BFSP1: variants seen among roughly 807,000 people sequenced by gnomAD.
BFSP1 encodes filensin.
Under a neutral mutation model 43.9 loss-of-function variants are expected in BFSP1, and 38 were observed. The observed-to-expected ratio is 0.87, with a 90% CI of 0.67 to 1.14. The LOEUF (loss-of-function observed/expected upper bound fraction) is 1.14, where lower values mean the gene tolerates loss of function less well. Ranked by LOEUF, BFSP1 falls within the 50% of genes most tolerant of loss-of-function variation. The pLI is 0.00. For missense variants in BFSP1, 850 were observed against 875.1 expected, an observed-to-expected ratio of 0.97 and a Z score of 0.36; for synonymous variants, 352 against 354.8, an observed-to-expected ratio of 0.99 and a Z score of 0.09.
chr20:17,505,826 T>C (rs1404652913), intron 5 of BFSP1, among the ~76,000 whole-genome samples: 1 of 152,108 alleles, frequency 6.6e-6, no homozygotes. Flanking sequence ...CCAGACCCAC[T>C]GAGTCAGGAG....
intron 1 of BFSP1, among the ~76,000 whole-genome samples, chr20:17,537,587 A>C (rs974695666): frequency 6.6e-6 from 1 of 151,842 alleles, no homozygotes; most frequent in Non-Finnish European, 1.5e-5. Flanking sequence ...AAAAAAAAAA[A>C]AACAAATTTG....
At position 17,553,814 on chromosome 20, in the gene BFSP1, C is replaced by CATATATAT. The variant is rs1356594180; in HGVS notation, c.2+4873_2+4874insATATATAT. On this transcript the variant is annotated intron_variant, in intron 1 of 7. Coordinates refer to the BFSP1 transcript ENST00000377868. ...ATATATACACACACACACACACACA[C>CATATATAT]ACACACACACATATATATATATACA... 1.1e-3 allele frequency among the ~76,000 whole-genome samples: 107 copies of CATATATAT among 100,052 alleles called. 2 individuals are homozygous for CATATATAT. Among genetic ancestry groups the CATATATAT allele is most frequent in the Non-Finnish European group, 1.3e-3 (71 of 55,028 alleles). The allele number at this position is 100,052 out of a possible 152,430, so 65.6% of individuals were successfully genotyped here. A position where few individuals can be genotyped will look rare whatever the true frequency, so the allele number is the denominator to read the frequency against.
rs2034404216 is a variant in BFSP1, at chr20:17,525,648, TG to T, written c.378-741del. Among the ~76,000 whole-genome samples, 1 of 152,188 alleles carries T rather than the reference TG, an allele frequency of 6.6e-6. No homozygotes were observed. The highest frequency in any genetic ancestry group is 6.5e-5 in the Admixed American group (1 of 15,288). On this transcript the variant is annotated intron_variant, in intron 1 of 7. Coordinates refer to ENST00000377873, the MANE Select transcript of BFSP1 (RefSeq NM_001195.5). The surrounding 1 kb of genome is among the most constrained non-coding windows in gnomAD (Gnocchi z 4.2). ...CTGGGACAACTGAGGCACGTCCCTC[TG>T]GGGGAATTTTAACCCTAAAGAGAGA...
At chr20:17,556,223 C>T (rs2034987749) in intron 1 of BFSP1, among the ~76,000 whole-genome samples, 1 of 152,104 alleles carries the variant, frequency 6.6e-6, no homozygotes, top group Non-Finnish European at 1.5e-5. Flanking sequence ...CAATCATCAG[C>T]CGGGTGCAGT....
chr20:17,524,062 A>C (rs920233067), intron 2 of BFSP1, among the ~76,000 whole-genome samples: 10 of 152,134 alleles, frequency 6.6e-5, no homozygotes, highest in Admixed American at 2.6e-4. Context: ...ATGTGCCCTA[A>C]TCAAGCAGCC....
intron 2 of BFSP1, among the ~76,000 whole-genome samples, chr20:17,521,721 T>A (rs2034322715): frequency 6.6e-6 from 1 of 152,204 alleles, no homozygotes; most frequent in Admixed American, 6.5e-5. Flanking sequence ...AAAGACTGGG[T>A]ACCTGTGGCT....
intron 1 of BFSP1, among the ~76,000 whole-genome samples, chr20:17,568,814 TACTG>T (rs1348859622): frequency 6.7e-6 from 1 of 150,060 alleles, no homozygotes; most frequent in Non-Finnish European, 1.5e-5. Context: ...GAAAAAAAAA[TACTG>T]ACCATCTTGT....
intron 3 of BFSP1, among the ~76,000 whole-genome samples, chr20:17,513,483 C>T (rs2034134163): frequency 6.6e-6 from 1 of 152,150 alleles, no homozygotes; most frequent in South Asian, 2.1e-4. Flanking sequence ...TCCCAGGATT[C>T]CATCAAGTAG....
At chr20:17,520,087 C>T (rs1470744306) in intron 2 of BFSP1, among the ~76,000 whole-genome samples, 1 of 152,184 alleles carries the variant, frequency 6.6e-6, no homozygotes, top group Non-Finnish European at 1.5e-5. Flanking sequence ...CAGTGGTCCT[C>T]AAAGTGTGGT....
At chr20:17,497,441 C>T (rs1346410751) in intron 6 of BFSP1, among the ~76,000 whole-genome samples, 2 of 70,218 alleles carry the variant, frequency 2.8e-5, no homozygotes, top group Non-Finnish European at 5.2e-5. Flanking sequence ...TGTATATATA[C>T]GTGTATGTAT....
rs191185926 is a variant in BFSP1, at chr20:17,552,749, T to C, written c.2+5939A>G. On this transcript the variant is annotated intron_variant, in intron 1 of 7. Coordinates refer to the BFSP1 transcript ENST00000377868. ...AAGAGACAAGGATAAAATCTGAAGC[T>C]GGAAGGATGAAATTGACATTTACAA... is the stretch of plus-strand genomic sequence containing the variant. Among the ~76,000 whole-genome samples the C allele has an allele frequency of 6.8e-4, 104 of 152,240 alleles. 3 individuals carry two copies. In the South Asian group the frequency reaches 0.021, roughly 31 times the overall value.
chr20:17,502,031 G>T (rs2033816101), intron 5 of BFSP1, among the ~76,000 whole-genome samples: 1 of 152,194 alleles, frequency 6.6e-6, no homozygotes, highest in Non-Finnish European at 1.5e-5. Flanking sequence ...AAGACAAACA[G>T]AAATTAGGGA....
intron 1 of BFSP1, among the ~76,000 whole-genome samples, chr20:17,553,812 C>CATATATATAT (rs1190143896): frequency 1.4e-4 from 14 of 103,130 alleles, no homozygotes; most frequent in African/African-American, 5.9e-4. Flanking sequence ...CACACACACA[C>CATATATATAT]ACACACACAC....
chr20:17,545,154 C>T (rs771962503), intron 1 of BFSP1, among the ~76,000 whole-genome samples: 1 of 152,104 alleles, frequency 6.6e-6, no homozygotes. Context: ...GGAGGTAGCA[C>T]AAGAGAAAAA....
At chr20:17,555,283 T>G (rs1304684208) in intron 1 of BFSP1, among the ~76,000 whole-genome samples, 1 of 111,804 alleles carries the variant, frequency 8.9e-6, no homozygotes, top group African/African-American at 3.5e-5. Context: ...TGAGATCCTA[T>G]CTCACAAAAA....
At chr20:17,501,304 C>G (rs1218857307) in intron 5 of BFSP1, among the ~76,000 whole-genome samples, 1 of 152,190 alleles carries the variant, frequency 6.6e-6, no homozygotes, top group Non-Finnish European at 1.5e-5. Context: ...GTGGCTCACA[C>G]CTGTAATCCC....
chr20:17,551,313 A>G (rs1386851571), intron 1 of BFSP1, among the ~76,000 whole-genome samples: 8 of 152,124 alleles, frequency 5.3e-5, no homozygotes, highest in African/African-American at 1.9e-4. Flanking sequence ...TGAGAGTGGG[A>G]GGAAGGCAGA....
intron 4 of BFSP1, among the ~76,000 whole-genome samples, chr20:17,509,597 G>GC (rs35970070): frequency 0.43 from 65,571 of 151,930 alleles, 14,615 homozygotes; most frequent in Middle Eastern, 0.55. Flanking sequence ...TCTAGAAAAG[G>GC]ATTTGACTCT....
chr20:17,566,527 T>C (rs1362090022), intron 1 of BFSP1, among the ~76,000 whole-genome samples: 1 of 152,214 alleles, frequency 6.6e-6, no homozygotes, highest in African/African-American at 2.4e-5. Context: ...CTTCTCATAG[T>C]TCTGGAGGCT....
Sources: gnomAD v4.1 joint callset for allele counts (sites outside exome capture counted in the v4.1 genomes callset) on GRCh38, gnomAD v4.1.1 for gene constraint, Gnocchi (gnomAD v3.1) non-coding constraint, MANE v1.5 for transcripts, NCBI Gene and HGNC (gene_info 2026-07-23, HGNC 2026-07-21) for gene names.